NAALADL2: variants seen among roughly 807,000 people sequenced by gnomAD.
The protein encoded by NAALADL2 is inactive N-acetylated-alpha-linked acidic dipeptidase-like protein 2.
In NAALADL2, 76 loss-of-function variants were observed where a neutral mutation model predicts 87.2. That is an observed-to-expected ratio of 0.87 (90% CI 0.72 to 1.05). NAALADL2 has a LOEUF of 1.05. Among genes scored for constraint, NAALADL2 ranks in the 50% least tolerant of loss-of-function variants. The pLI, the probability that NAALADL2 is intolerant of heterozygous loss-of-function variation, is 0.00. For synonymous variants in NAALADL2, 354 were observed against 331.0 expected (o/e 1.07, Z -0.75); for missense variants, 1,089 against 945.8 (o/e 1.15, Z -1.99).
intron 2 of NAALADL2, among the ~76,000 whole-genome samples, chr3:174,616,659 T>C (rs1012649165): frequency 5.9e-5 from 9 of 151,922 alleles, no homozygotes; most frequent in African/African-American, 2.2e-4. Flanking sequence ...AGTTTTCTTA[T>C]CTACTGTATG....
chr3:175,644,190 A>T (rs529691123), intron 11 of NAALADL2, among the ~76,000 whole-genome samples: 5 of 152,136 alleles, frequency 3.3e-5, no homozygotes, highest in African/African-American at 1.2e-4. Context: ...CTGGCTATAA[A>T]TTTTTTGTCA....
chr3:175,697,847 ATATATATGTG>A (rs1384143988), intron 11 of NAALADL2, among the ~76,000 whole-genome samples: 3 of 126,852 alleles, frequency 2.4e-5, no homozygotes, highest in Non-Finnish European at 3.2e-5. Context: ...TTATGTATAC[ATATATATGTG>A]TATATATGTA....
At position 175,159,516 on chromosome 3, in the gene NAALADL2, G is replaced by A. The variant is rs554731617; in HGVS notation, c.545+62225G>A. ...TTTAGCCTTCATGAGATTTTTGACA[G>A]GAAGTGAAATAATTTTGTAATCTCT... is the stretch of plus-strand genomic sequence containing the variant. On this transcript the variant is annotated intron_variant, in intron 2 of 13. Coordinates refer to ENST00000454872, the MANE Select transcript of NAALADL2 (RefSeq NM_207015.3). Among the ~76,000 whole-genome samples, 5 of 152,222 alleles carry A rather than the reference G, an allele frequency of 3.3e-5. No individual in the cohort carries two copies. In the South Asian group the frequency reaches 1.0e-3, roughly 32 times the overall value.
chr3:174,602,004 C>T (rs969702034), intron 2 of NAALADL2, among the ~76,000 whole-genome samples: 7 of 152,022 alleles, frequency 4.6e-5, no homozygotes, highest in Admixed American at 2.0e-4. Context: ...CACTGGTCTA[C>T]GTGTCTGTTT....
At chr3:174,707,245 C>T (rs574813619) in intron 2 of NAALADL2, among the ~76,000 whole-genome samples, 8 of 148,242 alleles carry the variant, frequency 5.4e-5, no homozygotes, top group South Asian at 2.2e-4. Context: ...GGCGATTCCT[C>T]GGGGATCTAG....
rs150476429 is a variant in NAALADL2, at chr3:175,081,760, G to A, written c.44-15030G>A. 6.2e-3 allele frequency among the ~76,000 whole-genome samples: 948 copies of A among 152,174 alleles called. 5 individuals are homozygous for A. Among genetic ancestry groups the A allele is most frequent in the Middle Eastern group, 0.01 (3 of 294 alleles). On this transcript the variant is annotated intron_variant, in intron 1 of 13. Coordinates refer to ENST00000454872, the MANE Select transcript of NAALADL2 (RefSeq NM_207015.3). The stretch of plus-strand genomic sequence containing the variant: ...ACGATAGACCCCACAATTTACTTCC[G>A]AACTGGTAAAGTGTACATATAGTTA...
chr3:175,786,519 C>T (rs917943252), intron 13 of NAALADL2, among the ~76,000 whole-genome samples: 25 of 152,236 alleles, frequency 1.6e-4, no homozygotes, highest in African/African-American at 2.2e-4. Flanking sequence ...GCATTCTTCA[C>T]GTAGTTCTCG....
chr3:175,537,226 T>C (rs1242335075), intron 9 of NAALADL2, among the ~76,000 whole-genome samples: 1 of 152,252 alleles, frequency 6.6e-6, no homozygotes, highest in East Asian at 1.9e-4. Context: ...TGTGCCTTTT[T>C]TGAATACTGC....
chr3:175,583,020 C>T (rs748818618), intron 10 of NAALADL2, among the ~76,000 whole-genome samples: 41 of 145,944 alleles, frequency 2.8e-4, no homozygotes, highest in Middle Eastern at 6.9e-3. Flanking sequence ...GGGTTACAGC[C>T]CAATAAACCC....
intron 3 of NAALADL2, among the ~76,000 whole-genome samples, chr3:174,836,019 A>C (rs544630499): frequency 6.6e-6 from 1 of 152,328 alleles, no homozygotes; most frequent in East Asian, 1.9e-4. Context: ...AGTAAGTCAA[A>C]GTGAGGCCTT....
intron 9 of NAALADL2, among the ~76,000 whole-genome samples, chr3:175,474,345 T>A (rs769295813): frequency 2.6e-5 from 4 of 152,190 alleles, no homozygotes; most frequent in African/African-American, 9.6e-5. Context: ...TAGATACATA[T>A]AGGATGTTTT....
chr3:175,156,977 G>C (rs1005870548), intron 2 of NAALADL2, among the ~76,000 whole-genome samples: 2 of 151,980 alleles, frequency 1.3e-5, no homozygotes. Flanking sequence ...CTGCCACCGA[G>C]TCACATTCAG....
chr3:175,145,193 C>T (rs1481925051), intron 2 of NAALADL2, among the ~76,000 whole-genome samples: 1 of 151,912 alleles, frequency 6.6e-6, no homozygotes, highest in African/African-American at 2.4e-5. Context: ...TAGTGAATAC[C>T]GTGTTTTGAT....
At chr3:174,918,200 A>G (rs1734664772) in intron 1 of NAALADL2, among the ~76,000 whole-genome samples, 1 of 152,084 alleles carries the variant, frequency 6.6e-6, no homozygotes, top group African/African-American at 2.4e-5. Flanking sequence ...TAATAATTTT[A>G]TAAGTTGAGT....
chr3:174,758,417 T>G (rs1326772635), intron 3 of NAALADL2, among the ~76,000 whole-genome samples: 1 of 152,174 alleles, frequency 6.6e-6, no homozygotes, highest in Non-Finnish European at 1.5e-5. Context: ...TGCTCAGTGA[T>G]CATTCTCTTT....
intron 9 of NAALADL2, among the ~76,000 whole-genome samples, chr3:175,487,365 G>A (rs937718139): frequency 6.6e-6 from 1 of 152,168 alleles, no homozygotes; most frequent in Non-Finnish European, 1.5e-5. Flanking sequence ...GGACACTGAG[G>A]CATAGTTGTC....
At chr3:175,460,862 T>C (rs1723012768) in intron 6 of NAALADL2, among the ~76,000 whole-genome samples, 1 of 152,040 alleles carries the variant, frequency 6.6e-6, no homozygotes, top group Non-Finnish European at 1.5e-5. Flanking sequence ...CAGCAATATT[T>C]ATTGTAAAGA....
intron 2 of NAALADL2, among the ~76,000 whole-genome samples, chr3:174,647,929 TA>T (rs1033579108): frequency 6.6e-6 from 1 of 152,042 alleles, no homozygotes; most frequent in Admixed American, 6.6e-5. Context: ...GGAAGCAAAA[TA>T]AAAAAACTTT....
intron 1 of NAALADL2, among the ~76,000 whole-genome samples, chr3:174,521,731 G>C (rs1383555775): frequency 6.6e-6 from 1 of 152,082 alleles, no homozygotes; most frequent in Non-Finnish European, 1.5e-5. Flanking sequence ...GGAGCTAAAT[G>C]ATGAGTACAC....
Sources: gnomAD v4.1 joint callset for allele counts (sites outside exome capture counted in the v4.1 genomes callset) on GRCh38, gnomAD v4.1.1 for gene constraint, MANE v1.5 for transcripts, NCBI Gene and HGNC (gene_info 2026-07-23, HGNC 2026-07-21) for gene names.